CNTN5: variants seen among roughly 807,000 people sequenced by gnomAD.
CNTN5 encodes contactin-5.
A neutral mutation model predicts 129.1 loss-of-function variants in CNTN5; 77 were observed. The observed-to-expected ratio is 0.60, with a 90% confidence interval of 0.50 to 0.72. CNTN5 has a LOEUF of 0.72. Among genes scored for constraint, CNTN5 ranks in the 30% least tolerant of loss-of-function variants. CNTN5 has a pLI of 0.00. For missense variants in CNTN5, 1,478 were observed against 1,328.8 expected (o/e 1.11, Z -1.75); for synonymous variants, 509 against 465.6 (o/e 1.09, Z -1.20).
chr11:99,386,650 A>G (rs1357342563), intron 2 of CNTN5, among the ~76,000 whole-genome samples: 2 of 152,064 alleles, frequency 1.3e-5, no homozygotes, highest in Non-Finnish European at 2.9e-5. Context: ...TGTGACTTAG[A>G]ATGCCTTAAC....
intron 6 of CNTN5, among the ~76,000 whole-genome samples, chr11:99,860,280 CT>C (rs749621509): frequency 1.6e-3 from 241 of 150,650 alleles, no homozygotes; most frequent in Non-Finnish European, 2.7e-3. Context: ...TTGACAGTTT[CT>C]TTTTTTTTGT....
At chr11:100,159,252 T>TA (rs1006431233) in intron 13 of CNTN5, among the ~76,000 whole-genome samples, 1 of 151,810 alleles carries the variant, frequency 6.6e-6, no homozygotes, top group East Asian at 1.9e-4. Flanking sequence ...TGGTGGGCCA[T>TA]AAAAAAAGTG....
chr11:100,262,465 A>C (rs1443242582), intron 17 of CNTN5, among the ~76,000 whole-genome samples: 1 of 152,198 alleles, frequency 6.6e-6, no homozygotes, highest in Non-Finnish European at 1.5e-5. Flanking sequence ...ATTATAAATC[A>C]CTGTACTATA....
At chr11:99,967,415 G>C (rs1367346344) in intron 8 of CNTN5, among the ~76,000 whole-genome samples, 6 of 152,220 alleles carry the variant, frequency 3.9e-5, no homozygotes, top group Middle Eastern at 3.4e-3. Flanking sequence ...TGAAGCAAAC[G>C]TAACTATCCT....
chr11:100,242,115 G>A (rs990287784), intron 16 of CNTN5, among the ~76,000 whole-genome samples: 3 of 152,024 alleles, frequency 2.0e-5, no homozygotes, highest in Non-Finnish European at 2.9e-5. Context: ...ACTGGCACTT[G>A]CTAATCTTTC....
At position 100,255,910 on chromosome 11, in the gene CNTN5, T is replaced by C; in HGVS notation, c.2156T>C (p.Val719Ala). ...CCATTTTCCCTGGGCTGGCAAACAGTAAAGACAGGTAAGAGGCACTAAAGC... is the reference window on the plus strand; with the variant it reads ...CCATTTTCCCTGGGCTGGCAAACAGCAAAGACAGGTAAGAGGCACTAAAGC... ...RSPFSLGWQT[V>A]KTVPEIITGD... is the part of the protein sequence containing the mutation. The change falls in exon 17 of 25, where the codon GTA becomes GCA. Residue 719 changes from valine (V) to alanine (A), a missense_variant. Coordinates refer to ENST00000524871, the MANE Select transcript of CNTN5 (RefSeq NM_014361.4). The C allele has an allele frequency of 1.9e-6, 3 of 1,613,820 alleles. No homozygotes were observed. Among genetic ancestry groups the C allele is most frequent in the Non-Finnish European group, 2.5e-6 (3 of 1,179,808 alleles).
chr11:99,848,130 A>T (rs1222304494), intron 6 of CNTN5, among the ~76,000 whole-genome samples: 1 of 152,104 alleles, frequency 6.6e-6, no homozygotes, highest in Non-Finnish European at 1.5e-5. Context: ...AGATCGCTTG[A>T]ACCCGGGAGG....
At chr11:99,251,105 T>C (rs1862077623) in intron 1 of CNTN5, among the ~76,000 whole-genome samples, 2 of 151,886 alleles carry the variant, frequency 1.3e-5, no homozygotes, top group Non-Finnish European at 2.9e-5. Context: ...AGGGACAGAG[T>C]TATAGATTGC....
chr11:99,853,410 T>A (rs1565606899), intron 6 of CNTN5, among the ~76,000 whole-genome samples: 1 of 151,340 alleles, frequency 6.6e-6, no homozygotes, highest in Non-Finnish European at 1.5e-5. Context: ...TATATATATA[T>A]TTTTTTGAGA....
chr11:99,165,222 C>T (rs1294358265), intron 1 of CNTN5, among the ~76,000 whole-genome samples: 1 of 152,132 alleles, frequency 6.6e-6, no homozygotes, highest in Non-Finnish European at 1.5e-5. Context: ...AATAAGGATT[C>T]ATAAAACACA....
intron 4 of CNTN5, among the ~76,000 whole-genome samples, chr11:99,833,343 T>C (rs1279192378): frequency 6.6e-6 from 1 of 152,144 alleles, no homozygotes; most frequent in Non-Finnish European, 1.5e-5. Context: ...GGTAGTTTGA[T>C]TTAGAATTTT....
chr11:99,616,088 T>C (rs1248270503), intron 3 of CNTN5, among the ~76,000 whole-genome samples: 1 of 152,106 alleles, frequency 6.6e-6, no homozygotes, highest in Non-Finnish European at 1.5e-5. Flanking sequence ...ATGTAAGCAT[T>C]GTATGTTTTT....
At chr11:99,252,158 C>G (rs1862140779) in intron 1 of CNTN5, among the ~76,000 whole-genome samples, 1 of 151,994 alleles carries the variant, frequency 6.6e-6, no homozygotes, top group Admixed American at 6.6e-5. Flanking sequence ...CCACTGATAA[C>G]TTCATATTGC....
intron 3 of CNTN5, among the ~76,000 whole-genome samples, chr11:99,763,477 A>G (rs577540803): frequency 1.3e-5 from 2 of 152,128 alleles, no homozygotes; most frequent in Non-Finnish European, 2.9e-5. Flanking sequence ...TAATAATTTT[A>G]TTGTGGATAA....
At chr11:99,718,214 T>G (rs1591526056) in intron 3 of CNTN5, among the ~76,000 whole-genome samples, 1 of 152,326 alleles carries the variant, frequency 6.6e-6, no homozygotes, top group East Asian at 1.9e-4. Context: ...CCTTCTATTA[T>G]GTGTTCACTA....
intron 1 of CNTN5, among the ~76,000 whole-genome samples, chr11:99,176,320 C>T (rs1263148294): frequency 6.6e-6 from 1 of 152,036 alleles, no homozygotes; most frequent in African/African-American, 2.4e-5. Context: ...CTCTGTGCTA[C>T]CTCACTTCCT....
intron 1 of CNTN5, among the ~76,000 whole-genome samples, chr11:99,095,399 A>T (rs1866430024): frequency 6.6e-6 from 1 of 151,934 alleles, no homozygotes. Context: ...AGAGTGATAG[A>T]TGTATCCAAT....
chr11:100,159,079 C>G (rs1424771358), intron 13 of CNTN5, among the ~76,000 whole-genome samples: 1 of 151,848 alleles, frequency 6.6e-6, no homozygotes, highest in Non-Finnish European at 1.5e-5. Context: ...GGAGCACATA[C>G]TGTGCAATTC....
chr11:99,056,053 C>T (rs1389195263), intron 1 of CNTN5, among the ~76,000 whole-genome samples: 3 of 151,980 alleles, frequency 2.0e-5, no homozygotes, highest in Admixed American at 2.0e-4. Context: ...CTGTTTCACG[C>T]TCCAGTAACA....
Sources: gnomAD v4.1 joint callset for allele counts (sites outside exome capture counted in the v4.1 genomes callset) on GRCh38, gnomAD v4.1.1 for gene constraint, MANE v1.5 for transcripts, NCBI Gene and HGNC (gene_info 2026-07-23, HGNC 2026-07-21) for gene names.